Variants in PGAM2 observed in about 807,000 individuals in gnomAD.
The protein encoded by PGAM2 is phosphoglycerate mutase 2.
Under a neutral mutation model 22.5 loss-of-function variants are expected in PGAM2, and 23 were observed. The observed-to-expected ratio is 1.02, with a 90% CI of 0.74 to 1.45. The LOEUF is 1.45. Among genes scored for constraint, PGAM2 ranks in the 40% most tolerant of loss-of-function variants. The pLI, the probability that PGAM2 is intolerant of heterozygous loss-of-function variation, is 0.00. For synonymous variants in PGAM2, 133 were observed against 138.6 expected, an observed-to-expected ratio of 0.96 and a Z score of 0.29; for missense variants, 349 against 356.2, an observed-to-expected ratio of 0.98 and a Z score of 0.16.
Position 44,065,209 on chromosome 7 carries a change from G to T in PGAM2, c.321C>A (p.His107Gln), listed in dbSNP as rs1425067807. 1 of 1,614,032 alleles carries T rather than the reference G, an allele frequency of 6.2e-7. No homozygotes were observed. Among genetic ancestry groups the T allele is most frequent in the Non-Finnish European group, 8.5e-7 (1 of 1,180,022 alleles). Residue 107 changes from histidine (H) to glutamine (Q), a missense_variant, in exon 1 of 3, where the codon CAC becomes CAA. Coordinates refer to ENST00000297283, the MANE Select transcript of PGAM2 (RefSeq NM_000290.4). ...GLNKAETAAK[H>Q]GEEQVKIWRR... Reference sequence around the variant, plus strand: ...TCCAGATCTTCACCTGCTCCTCCCCGTGCTTGGCGGCCGTTTCTGCCTTGT... The same window carrying T: ...TCCAGATCTTCACCTGCTCCTCCCCTTGCTTGGCGGCCGTTTCTGCCTTGT...
chr7:44,062,812 C>G lies in PGAM2; in HGVS notation c.714G>C (p.Thr238=), dbSNP rs747672660. ...CCACAGCCTCCATGGCCTTCCGCAC[C>G]GTTTCCTCATCACCCAGGAACTGCA... is the stretch of plus-strand genomic sequence containing the variant. ...KPMQFLGDEE[T]VRKAMEAVAA... The change falls in exon 3 of 3, where the codon ACG becomes ACC. Residue 238 remains threonine, a synonymous_variant. Transcript: ENST00000297283. 1 of 1,614,212 alleles carries G rather than the reference C, an allele frequency of 6.2e-7. No individual in the cohort carries two copies. Among genetic ancestry groups the G allele is most frequent in the South Asian group, 1.1e-5 (1 of 91,082 alleles).
intron 2 of PGAM2, chr7:44,063,340 A>C: frequency 3.5e-6 from 1 of 284,402 alleles, no homozygotes; most frequent in Non-Finnish European, 6.9e-6. Context: ...GCTGGAGTGC[A>C]GTGGCACGAT....
Position 44,064,825 on chromosome 7 carries a change from G to A in PGAM2, c.595+7C>T, listed in dbSNP as rs1487028942. The A allele has an allele frequency of 1.3e-6, 2 of 1,590,460 alleles. No homozygotes were observed. Among genetic ancestry groups the A allele is most frequent in the Non-Finnish European group, 1.7e-6 (2 of 1,167,774 alleles). ...CACCCTGCCCAGGCTCCTGAAGGTG[G>A]CCTCACCTTCCAGGTGCTTGACAAT... On this transcript the variant is annotated splice_region_variant and intron_variant, in intron 2 of 2. Coordinates refer to ENST00000297283, the MANE Select transcript of PGAM2 (RefSeq NM_000290.4).
chr7:44,064,797 A>AGC, intron 2 of PGAM2, 35 bp downstream of exon 2: 2 of 633,298 alleles, frequency 3.2e-6, no homozygotes, highest in Non-Finnish European at 5.5e-6. Flanking sequence ...GCTGCTGCCC[A>AGC]CCCACCCTGC....
intron 2 of PGAM2, 33 bp downstream of exon 2, chr7:44,064,799 C>CCAGCCCCCGCGCCAGGAAGGGGGCA: frequency 8.2e-7 from 1 of 1,212,908 alleles, no homozygotes; most frequent in Non-Finnish European, 1.2e-6. Context: ...TGCTGCCCAC[C>CCAGCCCCCGCGCCAGGAAGGGGGCA]CACCCTGCCC....
chr7:44,063,193 A>G, intron 2 of PGAM2: 1 of 526,468 alleles, frequency 1.9e-6, no homozygotes, highest in Non-Finnish European at 3.5e-6. Context: ...GGTGCTGTCC[A>G]TAGTTCCCTC....
At chr7:44,064,809 CAG>C in intron 2 of PGAM2, 21 bp downstream of exon 2, 8 of 1,556,646 alleles carry the variant, frequency 5.1e-6, no homozygotes, top group East Asian at 2.3e-5. Flanking sequence ...CCACCCTGCC[CAG>C]GCTCCTGAAG....
chr7:44,063,812 C>T (rs1426209889), intron 2 of PGAM2: 1 of 152,378 alleles, frequency 6.6e-6, no homozygotes, highest in Non-Finnish European at 1.5e-5. Flanking sequence ...AGAGTGAAAT[C>T]CCTCATATTC....
At position 44,064,972 on chromosome 7, in the gene PGAM2, G is replaced by A. The variant is rs199869174; in HGVS notation, c.455C>T (p.Thr152Ile). 346 of 1,607,438 alleles carry A rather than the reference G, an allele frequency of 2.2e-4. No homozygotes were observed. Among genetic ancestry groups the A allele is most frequent in the Non-Finnish European group, 1.4e-4 (169 of 1,179,652 alleles). Residue 152 changes from threonine to isoleucine, a missense_variant, in exon 2 of 3, where the codon ACC becomes ATC. Coordinates refer to ENST00000297283, the MANE Select transcript of PGAM2 (RefSeq NM_000290.4). ...AATGGTGTCCTTGAGGCTCTCGCAG[G>A]TGGGGAGTTCCCCGGGCTTCAGGCC... The part of the protein sequence containing the change: ...YAGLKPGELP[T>I]CESLKDTIAR...
At position 44,062,798 on chromosome 7, in the gene PGAM2, A is replaced by G; in HGVS notation, c.728T>C (p.Met243Thr). ...LGDEETVRKA[M>T]EAVAAQGKAK ...CTTGCCCTGGGCAGCCACAGCCTCC[A>G]TGGCCTTCCGCACCGTTTCCTCATC... is the stretch of plus-strand genomic sequence containing the variant. Residue 243 changes from methionine (M) to threonine (T), a missense_variant, in exon 3 of 3, where the codon ATG becomes ACG. By Grantham distance (81) the Met-to-Thr change is moderately conservative. Coordinates refer to ENST00000297283, the MANE Select transcript of PGAM2 (RefSeq NM_000290.4). 1 of 1,614,154 alleles carries G rather than the reference A, an allele frequency of 6.2e-7. No individual in the cohort carries two copies. The highest frequency in any genetic ancestry group is 8.5e-7 in the Non-Finnish European group (1 of 1,180,018).
rs370887667 is a variant in PGAM2, at chr7:44,063,276, CTTTTCT to C, written c.596-352_596-347del. On this transcript the variant is annotated intron_variant, in intron 2 of 2. Coordinates refer to ENST00000297283, the MANE Select transcript of PGAM2 (RefSeq NM_000290.4). ...CACTCACCCTTTGTTTTTTTTTTTT[CTTTTCT>C]TTTTCTTTTTCTTTTTTTTGAGATG... 5.0e-3 allele frequency: 1,679 copies of C among 335,134 alleles called. 26 individuals carry two copies. The highest frequency in any genetic ancestry group is 0.029 in the African/African-American group (1,365 of 46,716). 20.8% of individuals were successfully genotyped at this position (335,134 alleles called of 1,614,324 possible).
chr7:44,064,530 C>T (rs1272731714), intron 2 of PGAM2: 1 of 449,946 alleles, frequency 2.2e-6, no homozygotes, highest in African/African-American at 2.0e-5. Context: ...ATGCTCTAAG[C>T]CCAGCCCTTC....
intron 2 of PGAM2, 35 bp downstream of exon 2, chr7:44,064,797 A>AGCCCCCGGAACCTGAAGGGGG: frequency 1.6e-6 from 1 of 633,308 alleles, no homozygotes; most frequent in Non-Finnish European, 2.8e-6. Context: ...GCTGCTGCCC[A>AGCCCCCGGAACCTGAAGGGGG]CCCACCCTGC....
chr7:44,064,642 C>T, intron 2 of PGAM2, 190 bp downstream of exon 2: 1 of 628,488 alleles, frequency 1.6e-6, no homozygotes, highest in Non-Finnish European at 2.8e-6. Context: ...TGGAGTGTGT[C>T]CCAGTTACAC....
chr7:44,064,807 C>CCCCCGGG, intron 2 of PGAM2, 25 bp downstream of exon 2: 3 of 1,400,242 alleles, frequency 2.1e-6, no homozygotes, highest in Non-Finnish European at 2.0e-6. Context: ...ACCCACCCTG[C>CCCCCGGG]CCAGGCTCCT....
In PGAM2 at chr7:44,064,814, T is replaced by G; in HGVS notation, c.595+18A>C. 15 of 759,448 alleles carry G rather than the reference T, an allele frequency of 2.0e-5. No individual in the cohort carries two copies. The highest frequency in any genetic ancestry group is 3.0e-5 in the Non-Finnish European group (14 of 473,106). The allele number at this position is 759,448 out of a possible 1,614,324, so 47.0% of individuals were successfully genotyped here. On this transcript the variant is annotated intron_variant, in intron 2 of 2. Transcript: ENST00000297283. ...TGCTGCCCACCCACCCTGCCCAGGC[T>G]CCTGAAGGTGGCCTCACCTTCCAGG...
chr7:44,064,896 G>A lies in PGAM2; in HGVS notation c.531C>T (p.Ala177=), dbSNP rs555158017. ...WNEEIVPQIK[A]GKRVLIAAHG... ...GGGCTGCAATGAGCACTCGCTTGCC[G>A]GCCTTGATCTGGGGAACAATCTCCT... The change falls in exon 2 of 3, where the codon GCC becomes GCT. Residue 177 remains alanine, a synonymous_variant. Coordinates refer to ENST00000297283, the MANE Select transcript of PGAM2 (RefSeq NM_000290.4). The A allele has an allele frequency of 6.9e-6, 11 of 1,600,078 alleles. No individual in the cohort carries two copies. Among genetic ancestry groups the A allele is most frequent in the South Asian group, 1.1e-5 (1 of 90,410 alleles).
chr7:44,063,290 TTTC>T, intron 2 of PGAM2: 1 of 322,062 alleles, frequency 3.1e-6, no homozygotes, highest in South Asian at 2.8e-5. Context: ...TCTTTTTCTT[TTTC>T]TTTTTTTTGA....
chr7:44,063,377 T>G lies in PGAM2; in HGVS notation c.596-447A>C, dbSNP rs1363778431. 5 of 230,716 alleles carry G rather than the reference T, an allele frequency of 2.2e-5. No homozygotes were observed. In the East Asian group the frequency reaches 5.4e-4, roughly 25 times the overall value. The allele number at this position is 230,716 out of a possible 1,614,324, so 14.3% of individuals were successfully genotyped here. On this transcript the variant is annotated intron_variant, in intron 2 of 2. Coordinates refer to ENST00000297283, the MANE Select transcript of PGAM2 (RefSeq NM_000290.4). ...TTGGCTCACTGCAACCTCCATCTCCTGGGTTGAAGTGATTCTGCCTCAGCC... is the reference window on the plus strand; with the variant it reads ...TTGGCTCACTGCAACCTCCATCTCCGGGGTTGAAGTGATTCTGCCTCAGCC...
Sources: allele counts gnomAD v4.1 joint callset, GRCh38; gene constraint gnomAD v4.1.1; transcripts MANE v1.5; gene names NCBI Gene and HGNC (gene_info 2026-07-23, HGNC 2026-07-21).